Variants in LYPLA1 observed in about 807,000 individuals in gnomAD.
The protein encoded by LYPLA1 is lysophospholipase 1, also known as acyl-protein thioesterase 1.
A neutral mutation model predicts 34.0 loss-of-function variants in LYPLA1; 17 were observed. The ratio of observed to expected loss-of-function variants is 0.50; its 90% CI spans 0.34 to 0.75. LYPLA1 has a LOEUF of 0.75. Among genes scored for constraint, LYPLA1 ranks in the 30% least tolerant of loss-of-function variants. The probability of loss-of-function intolerance (pLI) is 0.01; values close to 1 mark genes in which losing one functional copy is unlikely to be tolerated. For missense variants in LYPLA1, 203 were observed against 288.8 expected, an observed-to-expected ratio of 0.70 and a Z score of 2.15; for synonymous variants, 98 against 100.8, an observed-to-expected ratio of 0.97 and a Z score of 0.17.
At chr8:54,058,780 GCTGGTTTTGAACCC>G (rs1806390723) in intron 5 of LYPLA1, among the ~76,000 whole-genome samples, 3 of 151,712 alleles carry the variant, frequency 2.0e-5, no homozygotes, top group East Asian at 3.9e-4. Flanking sequence ...TCTTGCCCAG[GCTGGTTTTGAACCC>G]CTGGGCTCAA....
chr8:54,089,682 G>A (rs1042935169), intron 2 of LYPLA1, among the ~76,000 whole-genome samples: 1 of 151,106 alleles, frequency 6.6e-6, no homozygotes, highest in Non-Finnish European at 1.5e-5. Flanking sequence ...GAAGTGCAGT[G>A]GCATCATCTC....
intron 2 of LYPLA1, among the ~76,000 whole-genome samples, chr8:54,077,110 C>T (rs192851065): frequency 2.0e-5 from 3 of 151,862 alleles, no homozygotes; most frequent in Admixed American, 6.6e-5. Context: ...CAGCGGCAAA[C>T]GGGATAAAGA....
chr8:54,086,426 T>A (rs1356524071), intron 2 of LYPLA1, among the ~76,000 whole-genome samples: 25 of 33,896 alleles, frequency 7.4e-4, no homozygotes, highest in South Asian at 9.8e-4. Flanking sequence ...GATCAATAAA[T>A]ACTAAAAAAA....
intron 7 of LYPLA1, among the ~76,000 whole-genome samples, chr8:54,051,912 A>G (rs1805869411): frequency 6.7e-6 from 1 of 149,714 alleles, no homozygotes; most frequent in South Asian, 2.1e-4. Flanking sequence ...GTGAAGTGGC[A>G]CAATCGTGGC....
intron 2 of LYPLA1, among the ~76,000 whole-genome samples, chr8:54,085,551 G>A (rs1411649430): frequency 6.0e-5 from 9 of 150,438 alleles, no homozygotes; most frequent in Non-Finnish European, 1.0e-4. Flanking sequence ...CTGCCCGGCC[G>A]CCCATCGTCT....
At chr8:54,069,337 G>A (rs1374215313) in intron 2 of LYPLA1, among the ~76,000 whole-genome samples, 1 of 152,108 alleles carries the variant, frequency 6.6e-6, no homozygotes. Flanking sequence ...TTGTATACAT[G>A]TATCAAAATA....
At chr8:54,049,152 A>G (rs1805672693) in intron 8 of LYPLA1, among the ~76,000 whole-genome samples, 1 of 152,176 alleles carries the variant, frequency 6.6e-6, no homozygotes, top group Non-Finnish European at 1.5e-5. Flanking sequence ...TGGATAAATC[A>G]TATTACCACC....
intron 2 of LYPLA1, among the ~76,000 whole-genome samples, chr8:54,069,122 ATACTCAC>A (rs1410745185): frequency 2.0e-5 from 3 of 152,234 alleles, no homozygotes; most frequent in Non-Finnish European, 4.4e-5. Context: ...ACATCACTTC[ATACTCAC>A]TAGGATGGCT....
intron 2 of LYPLA1, among the ~76,000 whole-genome samples, chr8:54,076,793 C>A (rs1208466417): frequency 6.6e-6 from 1 of 152,182 alleles, no homozygotes; most frequent in African/African-American, 2.4e-5. Flanking sequence ...CCTTCATTTC[C>A]CATAAGGGAC....
At chr8:54,066,233 G>A (rs553745193) in intron 2 of LYPLA1, among the ~76,000 whole-genome samples, 134 of 151,802 alleles carry the variant, frequency 8.8e-4, no homozygotes, top group Non-Finnish European at 1.5e-3. Context: ...CATCACACCC[G>A]GCCTAAAAAT....
At chr8:54,058,598 C>T (rs997328754) in intron 5 of LYPLA1, among the ~76,000 whole-genome samples, 27 of 151,846 alleles carry the variant, frequency 1.8e-4, no homozygotes, top group African/African-American at 5.8e-4. Context: ...CACACTCTCT[C>T]TCTGTGTCTC....
chr8:54,074,613 A>C (rs756784122), intron 2 of LYPLA1, among the ~76,000 whole-genome samples: 27 of 152,246 alleles, frequency 1.8e-4, no homozygotes, highest in Non-Finnish European at 3.7e-4. Flanking sequence ...TTCATGATTT[A>C]ACCCATGTTA....
intron 2 of LYPLA1, among the ~76,000 whole-genome samples, chr8:54,091,777 C>T (rs1296767356): frequency 6.6e-6 from 1 of 151,922 alleles, no homozygotes; most frequent in Non-Finnish European, 1.5e-5. Context: ...TATCAGTATC[C>T]AATGAGAACT....
At chr8:54,045,927 G>A (rs182929768), downstream of LYPLA1, among the ~76,000 whole-genome samples, 8 of 152,268 alleles carry the variant, frequency 5.3e-5, no homozygotes, top group Non-Finnish European at 7.4e-5. Flanking sequence ...TGGGCATGGT[G>A]GTGGGCTCCT....
intron 5 of LYPLA1, among the ~76,000 whole-genome samples, chr8:54,057,686 G>A (rs1346964419): frequency 1.3e-5 from 2 of 152,184 alleles, no homozygotes; most frequent in Non-Finnish European, 2.9e-5. Flanking sequence ...GGCTGGAGGT[G>A]AGGTGTAGCT....
chr8:54,081,780 A>C (rs1808340399), intron 2 of LYPLA1, among the ~76,000 whole-genome samples: 1 of 145,804 alleles, frequency 6.9e-6, no homozygotes, highest in Non-Finnish European at 1.5e-5. Flanking sequence ...CCCAGGCTGG[A>C]GTGCAATGGT....
chr8:54,044,318 T>G (rs1253974069), downstream of LYPLA1, among the ~76,000 whole-genome samples: 1 of 152,112 alleles, frequency 6.6e-6, no homozygotes, highest in Admixed American at 6.6e-5. Context: ...ACCTCAGAAT[T>G]TAAATTCTGA....
intron 2 of LYPLA1, among the ~76,000 whole-genome samples, chr8:54,078,325 T>C (rs1206493098): frequency 1.3e-5 from 2 of 152,170 alleles, no homozygotes; most frequent in African/African-American, 2.4e-5. Context: ...TTTTCAAAAA[T>C]AGCAAATCCA....
rs1806699397 is a variant in LYPLA1 at position 54,062,272 on chromosome 8, T to G, written c.268A>C (p.Lys90Gln). 6.2e-6 allele frequency: 10 copies of G among 1,606,382 alleles called. No individual in the cohort carries two copies. The highest frequency in any genetic ancestry group is 8.5e-6 in the Non-Finnish European group (10 of 1,176,680). The change falls in exon 5 of 9, where the codon AAA becomes CAA. Residue 90 changes from lysine to glutamine, a missense_variant. Physicochemically the swap from Lys to Gln is moderately conservative, Grantham distance 53 (BLOSUM62 1). Around this residue, in one of 3 missense-constraint regions of LYPLA1, gnomAD observed 123 missense variants for 199.2 expected, o/e 0.62. Coordinates refer to ENST00000316963, the MANE Select transcript of LYPLA1 (RefSeq NM_006330.4). Reference protein sequence around the residue: ...PDSQEDESGIKQAAENIKALI... With the variant: ...PDSQEDESGIQQAAENIKALI... ...TACTTACTATTTTCTGCTGCCTGTT[T>G]AATCCCAGATTCATCCTCCTGTGAA...
Sources: gnomAD v4.1 joint callset for allele counts (sites outside exome capture counted in the v4.1 genomes callset) on GRCh38, gnomAD v4.1.1 for gene constraint, gnomAD v4.1.1 regional missense constraint, MANE v1.5 for transcripts, NCBI Gene and HGNC (gene_info 2026-07-23, HGNC 2026-07-21) for gene names.